The following RASAL2 variants were observed in gnomAD, a reference collection of about 807,000 sequenced individuals.
The protein encoded by RASAL2 is ras GTPase-activating protein nGAP.
A neutral mutation model predicts 128.9 loss-of-function variants in RASAL2; 58 were observed. The ratio of observed to expected loss-of-function variants is 0.45; its 90% CI spans 0.36 to 0.56. The LOEUF (loss-of-function observed/expected upper bound fraction) is 0.56. RASAL2 is among the 20% of genes least tolerant of loss of function. RASAL2 has a pLI of 0.00. For synonymous variants in RASAL2, 561 were observed against 580.8 expected (o/e 0.97, Z 0.49); for missense variants, 1,360 against 1,601.6 (o/e 0.85, Z 2.57).
intron 4 of RASAL2, among the ~76,000 whole-genome samples, chr1:178,396,901 A>T (rs867976956): frequency 1.3e-5 from 2 of 152,160 alleles, no homozygotes; most frequent in South Asian, 4.2e-4. Context: ...GCCAATACAC[A>T]CATGAAAAGA....
At chr1:178,224,380 A>G (rs1018822890) in intron 1 of RASAL2, among the ~76,000 whole-genome samples, 5 of 152,104 alleles carry the variant, frequency 3.3e-5, no homozygotes, top group Admixed American at 1.3e-4. Flanking sequence ...CTCTTAAATG[A>G]GAAGCGGTTG....
chr1:178,354,072 A>G (rs536000635), intron 3 of RASAL2, among the ~76,000 whole-genome samples: 1 of 152,342 alleles, frequency 6.6e-6, no homozygotes, highest in Non-Finnish European at 1.5e-5. Context: ...GCAATGACAC[A>G]TCATGAAAGG....
chr1:178,458,990 C>G (rs1420571867), intron 14 of RASAL2, among the ~76,000 whole-genome samples: 1 of 152,106 alleles, frequency 6.6e-6, no homozygotes, highest in Non-Finnish European at 1.5e-5. Context: ...CCATTCCATC[C>G]CTCAACTCCT....
rs1402000520 is a variant in RASAL2 at position 178,442,841 on chromosome 1, A to G, written c.1094A>G (p.Glu365Gly). Residue 365 changes from glutamate (E) to glycine (G), a missense_variant, in exon 8 of 18, where the codon GAA (glutamate) becomes GGA (glycine). Physicochemically the swap from Glu to Gly is moderately conservative, Grantham distance 98. Transcript: ENST00000367649. ...AATATTTTCTGGGGCGAACATTTTGAATTCTTCAGCCTTCCACCTCTTCAT... is the reference window on the plus strand; with the variant it reads ...AATATTTTCTGGGGCGAACATTTTGGATTCTTCAGCCTTCCACCTCTTCAT... ...ADNIFWGEHFEFFSLPPLHSI... is the reference protein window; with the variant it reads ...ADNIFWGEHFGFFSLPPLHSI... 3.7e-6 allele frequency: 6 copies of G among 1,614,036 alleles called. No individual in the cohort carries two copies. In the South Asian group the frequency reaches 4.4e-5, roughly 12 times the overall value.
At chr1:178,396,873 A>G (rs1370141288) in intron 4 of RASAL2, among the ~76,000 whole-genome samples, 2 of 151,656 alleles carry the variant, frequency 1.3e-5, no homozygotes. Flanking sequence ...ATGTTTCTCC[A>G]AAGAAAATAT....
chr1:178,453,060 G>A (rs1034876074), intron 11 of RASAL2, among the ~76,000 whole-genome samples: 10 of 151,958 alleles, frequency 6.6e-5, no homozygotes, highest in Non-Finnish European at 1.3e-4. Flanking sequence ...CAAATTCTGC[G>A]GTTACAATGT....
rs552605494 is a variant in RASAL2, at chr1:178,303,494, A to G, written c.457+3376A>G. On this transcript the variant is annotated intron_variant, in intron 3 of 17. Transcript: ENST00000367649. ...AAAAAGGTTCATGCAAAAATCTCAT[A>G]ATGTTTTAAGAAAGTTTAAGAATTT... is the stretch of plus-strand genomic sequence containing the variant. 1.1e-4 allele frequency among the ~76,000 whole-genome samples: 17 copies of G among 152,096 alleles called. No homozygotes were observed. The South Asian group carries it at 2.9e-3, about 26-fold the overall frequency.
At chr1:178,164,222 A>G (rs1243957316) in intron 1 of RASAL2, among the ~76,000 whole-genome samples, 1 of 152,192 alleles carries the variant, frequency 6.6e-6, no homozygotes, top group Non-Finnish European at 1.5e-5. Flanking sequence ...AAGACTCCCA[A>G]TACTAATTAT....
At position 178,180,544 on chromosome 1, in the gene RASAL2, A is replaced by G. The variant is rs559838552; in HGVS notation, c.202+85850A>G. ...AGTAGCCTAGTATGATGGCGCGCCT[A>G]TAGTGCCAGCTTCTCAGGAGGCTGA... On this transcript the variant is annotated intron_variant, in intron 1 of 17. Coordinates refer to ENST00000367649, the MANE Select transcript of RASAL2 (RefSeq NM_170692.4). Among the ~76,000 whole-genome samples the G allele has an allele frequency of 1.3e-3, 198 of 150,294 alleles. 1 individual carries two copies. The highest frequency in any genetic ancestry group is 2.1e-3 in the Non-Finnish European group (145 of 67,678).
rs930004135 is a variant in RASAL2, at chr1:178,474,912, G to A, written c.*1673G>A. The A allele has an allele frequency of 5.9e-5, 9 of 151,932 alleles. No individual in the cohort carries two copies. Among genetic ancestry groups the A allele is most frequent in the Non-Finnish European group, 1.2e-4 (8 of 67,960 alleles). The allele number at this position is 151,932 out of a possible 1,614,324, so 9.4% of individuals were successfully genotyped here. ...AAAGAATTTTTTTTCTAGAAAAAGG[G>A]GATGGAAAAAAAAGGACCTGAGGGA... On this transcript the variant is annotated 3_prime_UTR_variant, in exon 18 of 18. Transcript: ENST00000367649.
intron 1 of RASAL2, among the ~76,000 whole-genome samples, chr1:178,110,047 A>G (rs572814040): frequency 3.9e-5 from 6 of 152,328 alleles, no homozygotes; most frequent in East Asian, 1.9e-4. Flanking sequence ...ACCGGATTCA[A>G]TAAGAAAATT....
intron 15 of RASAL2, among the ~76,000 whole-genome samples, chr1:178,465,084 C>T (rs568202396): frequency 2.0e-4 from 30 of 152,110 alleles, no homozygotes; most frequent in African/African-American, 7.0e-4. Context: ...ACCCCAGCCA[C>T]AGCAACTACA....
At chr1:178,112,881 C>A (rs911914536) in intron 1 of RASAL2, among the ~76,000 whole-genome samples, 4 of 150,834 alleles carry the variant, frequency 2.7e-5, no homozygotes, top group African/African-American at 7.3e-5. Context: ...GCACAATGTG[C>A]ACATGTACCC....
At chr1:178,292,495 G>T (rs1403753009) in intron 2 of RASAL2, among the ~76,000 whole-genome samples, 1 of 152,214 alleles carries the variant, frequency 6.6e-6, no homozygotes, top group African/African-American at 2.4e-5. Context: ...CTTGCTGGGA[G>T]TGTCACCTTG....
chr1:178,428,189 G>A (rs1290082182), intron 5 of RASAL2, among the ~76,000 whole-genome samples: 5 of 152,160 alleles, frequency 3.3e-5, no homozygotes, highest in East Asian at 1.9e-4. Context: ...ATTGAAAGAC[G>A]TTTGGGTTGT....
At chr1:178,262,249 T>C (rs1160291933) in intron 1 of RASAL2, among the ~76,000 whole-genome samples, 1 of 152,200 alleles carries the variant, frequency 6.6e-6, no homozygotes, top group African/African-American at 2.4e-5. Flanking sequence ...TTTGTATAAA[T>C]GCAGGGTATT....
chr1:178,183,528 A>G (rs1376389102), intron 1 of RASAL2, among the ~76,000 whole-genome samples: 1 of 152,140 alleles, frequency 6.6e-6, no homozygotes, highest in Non-Finnish European at 1.5e-5. Context: ...GCCAACTTAT[A>G]TGTTTACCAT....
chr1:178,433,334 T>C (rs1203177500), intron 5 of RASAL2, among the ~76,000 whole-genome samples: 4 of 152,138 alleles, frequency 2.6e-5, no homozygotes, highest in African/African-American at 9.7e-5. Flanking sequence ...AATCCTCTAC[T>C]TAGTGCTCAT....
At chr1:178,175,186 T>G (rs1212785586) in intron 1 of RASAL2, among the ~76,000 whole-genome samples, 2 of 152,146 alleles carry the variant, frequency 1.3e-5, no homozygotes, top group Non-Finnish European at 2.9e-5. Flanking sequence ...TTGACATGTG[T>G]TTTTTTCCCT....
Sources: allele counts gnomAD v4.1 joint callset (sites outside exome capture counted in the v4.1 genomes callset), GRCh38; gene constraint gnomAD v4.1.1; transcripts MANE v1.5; gene names NCBI Gene and HGNC (gene_info 2026-07-23, HGNC 2026-07-21).